MEF2C: variants seen among roughly 807,000 people sequenced by gnomAD.
MEF2C encodes myocyte enhancer factor 2C, also known as myocyte-specific enhancer factor 2C.
Under a neutral mutation model 50.5 loss-of-function variants are expected in MEF2C, and 6 were observed. That is an observed-to-expected ratio of 0.12 (90% confidence interval 0.07 to 0.23). MEF2C has a LOEUF of 0.23. Among genes scored for constraint, MEF2C ranks in the 10% least tolerant of loss-of-function variants. The pLI, the probability that MEF2C is intolerant of heterozygous loss-of-function variation, is 1.00. For missense variants in MEF2C, 276 were observed against 605.0 expected (o/e 0.46, Z 5.70); for synonymous variants, 183 against 228.0 (o/e 0.80, Z 1.78).
At chr5:88,834,236 C>T (rs542693968) in intron 1 of MEF2C, among the ~76,000 whole-genome samples, 15 of 152,272 alleles carry the variant, frequency 9.9e-5, no homozygotes, top group Admixed American at 3.9e-4. Flanking sequence ...GTCCACGCTA[C>T]CTGCCACAGC....
intron 6 of MEF2C, chr5:88,742,079 A>T: frequency 1.0e-6 from 1 of 985,420 alleles, no homozygotes. Flanking sequence ...TTGTCTAAAA[A>T]CAGCAGATTA....
In MEF2C at chr5:88,722,051, G is replaced by A. The variant is rs1036464758; in HGVS notation, c.*553C>T. 6.6e-5 allele frequency: 10 copies of A among 152,352 alleles called. No individual in the cohort carries two copies. Among genetic ancestry groups the A allele is most frequent in the African/African-American group, 2.4e-4 (10 of 41,276 alleles). 9.4% of individuals were successfully genotyped at this position (152,352 alleles called of 1,614,324 possible). A position where few individuals can be genotyped will look rare whatever the true frequency, so the allele number is the denominator to read the frequency against. On this transcript the variant is annotated 3_prime_UTR_variant, in exon 11 of 11. Coordinates refer to ENST00000504921, the MANE Select transcript of MEF2C (RefSeq NM_002397.5). ...GTATGGTCCTCTTTTAATGGTCTCT[G>A]ATCCTTTTTAATGAGTGCCATACGC...
At chr5:88,841,138 A>G (rs1227586838) in intron 1 of MEF2C, among the ~76,000 whole-genome samples, 1 of 152,190 alleles carries the variant, frequency 6.6e-6, no homozygotes, top group Non-Finnish European at 1.5e-5. Context: ...GTTAACTCCT[A>G]GTCTTTACTC....
intron 6 of MEF2C, chr5:88,746,441 C>CTT (rs5869439): frequency 3.0e-3 from 2,026 of 683,450 alleles, no homozygotes; most frequent in Non-Finnish European, 3.3e-3. Flanking sequence ...CTCCCTCTCA[C>CTT]TTTTTTTTTT....
intron 1 of MEF2C, among the ~76,000 whole-genome samples, chr5:88,845,383 G>C (rs559841888): frequency 2.9e-4 from 44 of 152,320 alleles, no homozygotes; most frequent in African/African-American, 1.0e-3. Flanking sequence ...AGAAGCAACT[G>C]TAAGTAAGAA....
intron 4 of MEF2C, among the ~76,000 whole-genome samples, chr5:88,756,896 GA>G (rs1170819199): frequency 1.3e-5 from 2 of 151,816 alleles, no homozygotes; most frequent in Non-Finnish European, 2.9e-5. Flanking sequence ...AAGATAGGAA[GA>G]AAGAGAGAAT....
At chr5:88,764,254 G>A (rs776130347) in intron 3 of MEF2C, among the ~76,000 whole-genome samples, 3 of 152,024 alleles carry the variant, frequency 2.0e-5, no homozygotes, top group African/African-American at 2.4e-5. Flanking sequence ...ACACTTTGTT[G>A]AAAGATCTCC....
chr5:88,842,503 G>A (rs896072956), intron 1 of MEF2C, among the ~76,000 whole-genome samples: 1 of 151,164 alleles, frequency 6.6e-6, no homozygotes, highest in Non-Finnish European at 1.5e-5. Context: ...AAAAGATAGT[G>A]GATTAGAAAC....
chr5:88,862,575 A>G (rs1581701492), intron 1 of MEF2C, among the ~76,000 whole-genome samples: 1 of 152,050 alleles, frequency 6.6e-6, no homozygotes, highest in East Asian at 1.9e-4. Context: ...AATAACCTTT[A>G]AAGTTTTTTA....
chr5:88,729,710 G>A (rs1325943282), intron 8 of MEF2C, among the ~76,000 whole-genome samples: 1 of 151,988 alleles, frequency 6.6e-6, no homozygotes, highest in Non-Finnish European at 1.5e-5. Flanking sequence ...ATCAACCATG[G>A]TAGTTTTTAT....
intron 1 of MEF2C, among the ~76,000 whole-genome samples, chr5:88,836,107 G>C (rs937562497): frequency 2.0e-5 from 3 of 152,032 alleles, no homozygotes; most frequent in African/African-American, 7.2e-5. Context: ...AATAGGGTAA[G>C]TTATATAATT....
chr5:88,803,199 T>A (rs1264294961), intron 3 of MEF2C, among the ~76,000 whole-genome samples: 1 of 152,220 alleles, frequency 6.6e-6, no homozygotes, highest in Non-Finnish European at 1.5e-5. Flanking sequence ...CAATTCAAAT[T>A]ATCAATGAAA....
intron 2 of MEF2C, among the ~76,000 whole-genome samples, chr5:88,810,158 G>A (rs1802164905): frequency 6.6e-6 from 1 of 152,092 alleles, no homozygotes; most frequent in Non-Finnish European, 1.5e-5. Context: ...TTATGTTAGA[G>A]TAGATGCTTT....
intron 8 of MEF2C, among the ~76,000 whole-genome samples, chr5:88,729,969 T>G (rs1348972251): frequency 6.6e-6 from 1 of 152,154 alleles, no homozygotes. Context: ...AAAGAATATT[T>G]TTGTTTGAAT....
intron 1 of MEF2C, among the ~76,000 whole-genome samples, chr5:88,864,011 G>A (rs1246240218): frequency 1.3e-5 from 2 of 151,772 alleles, no homozygotes; most frequent in Admixed American, 6.6e-5. Flanking sequence ...TAGTAGAGAC[G>A]AGGTTTCACC....
intron 6 of MEF2C, chr5:88,746,724 A>G: frequency 1.0e-6 from 1 of 983,456 alleles, no homozygotes; most frequent in South Asian, 4.7e-5. Flanking sequence ...CTGACATATG[A>G]TACTGGTTGG....
intron 1 of MEF2C, among the ~76,000 whole-genome samples, chr5:88,874,463 T>C (rs981854607): frequency 6.6e-6 from 1 of 152,120 alleles, no homozygotes; most frequent in South Asian, 2.1e-4. Context: ...CATATATATA[T>C]TAGCATTTAC....
At chr5:88,807,130 T>C (rs1800809053) in intron 2 of MEF2C, among the ~76,000 whole-genome samples, 1 of 152,220 alleles carries the variant, frequency 6.6e-6, no homozygotes, top group African/African-American at 2.4e-5. Flanking sequence ...GAAGGTAGTA[T>C]GGTAGAAAGC....
intron 6 of MEF2C, chr5:88,742,381 G>C: frequency 2.0e-5 from 20 of 984,594 alleles, no homozygotes; most frequent in Non-Finnish European, 2.4e-5. Flanking sequence ...GTATTTCAGG[G>C]GGAAATATTA....
Sources: allele counts gnomAD v4.1 joint callset (sites outside exome capture counted in the v4.1 genomes callset), GRCh38; gene constraint gnomAD v4.1.1; transcripts MANE v1.5; gene names NCBI Gene and HGNC (gene_info 2026-07-23, HGNC 2026-07-21).